The following TENM3 variants were observed in gnomAD, a reference collection of about 807,000 sequenced individuals.
TENM3 encodes the protein teneurin transmembrane protein 3, also known as teneurin-3.
A neutral mutation model predicts 255.1 loss-of-function variants in TENM3; 63 were observed. That is an observed-to-expected ratio of 0.25 (90% CI 0.20 to 0.30). The LOEUF (loss-of-function observed/expected upper bound fraction) is 0.30. TENM3 is among the 10% of genes least tolerant of loss of function. TENM3 has a pLI of 1.00. For synonymous variants in TENM3, 1,306 were observed against 1,322.3 expected (o/e 0.99, Z 0.27); for missense variants, 2,929 against 3,461.1 (o/e 0.85, Z 3.86).
chr4:182,117,443 A>G, the TENM3 span, among the ~76,000 whole-genome samples: 1 of 152,174 alleles, frequency 6.6e-6, no homozygotes, highest in Non-Finnish European at 1.5e-5. Flanking sequence ...CACTTTATAT[A>G]TGGGTCTCTG....
chr4:182,301,976 A>G (rs931023907), intron 1 of TENM3, among the ~76,000 whole-genome samples: 1 of 152,150 alleles, frequency 6.6e-6, no homozygotes. Context: ...ATATCATGGG[A>G]AAAATACTCT....
At chr4:181,754,284 T>TCTCACACA in the TENM3 span, among the ~76,000 whole-genome samples, 11 of 144,614 alleles carry the variant, frequency 7.6e-5, 1 homozygote, top group East Asian at 6.3e-4. Flanking sequence ...TATATCCCAG[T>TCTCACACA]CACACACACA....
At chr4:182,411,885 A>C (rs1367632369) in intron 3 of TENM3, among the ~76,000 whole-genome samples, 1 of 152,220 alleles carries the variant, frequency 6.6e-6, no homozygotes, top group African/African-American at 2.4e-5. Context: ...GACAAATTTT[A>C]AAACATTAAT....
chr4:182,546,289 T>C (rs568655166), intron 3 of TENM3, among the ~76,000 whole-genome samples: 47 of 152,318 alleles, frequency 3.1e-4, no homozygotes, highest in African/African-American at 9.9e-4. Flanking sequence ...CTTTGTTATT[T>C]GTTTCCTTTT....
intron 1 of TENM3, among the ~76,000 whole-genome samples, chr4:182,172,468 A>G (rs1752172416): frequency 6.6e-6 from 1 of 152,174 alleles, no homozygotes; most frequent in African/African-American, 2.4e-5. Flanking sequence ...TTAGTACTCA[A>G]CCTTAGAAAT....
the TENM3 span, among the ~76,000 whole-genome samples, chr4:182,092,624 G>A: frequency 6.6e-6 from 1 of 152,210 alleles, no homozygotes. Context: ...TCCAGCCTGG[G>A]CAATAGAGCA....
At chr4:182,588,448 A>T (rs1746263024) in intron 3 of TENM3, among the ~76,000 whole-genome samples, 1 of 152,188 alleles carries the variant, frequency 6.6e-6, no homozygotes, top group Admixed American at 6.5e-5. Context: ...TCTATATTAC[A>T]AATGTGTTTT....
At chr4:182,333,595 A>C (rs1329444996) in intron 2 of TENM3, among the ~76,000 whole-genome samples, 1 of 152,202 alleles carries the variant, frequency 6.6e-6, no homozygotes, top group Non-Finnish European at 1.5e-5. Context: ...AATATTTGAC[A>C]TGATCACTCT....
the TENM3 span, among the ~76,000 whole-genome samples, chr4:181,635,867 G>C: frequency 6.6e-6 from 1 of 152,206 alleles, no homozygotes; most frequent in Non-Finnish European, 1.5e-5. Context: ...AAGAGAGGAG[G>C]CCACAGTCAG....
rs1177641257 is a variant in TENM3, at chr4:182,775,011, A to G, written c.5162A>G (p.His1721Arg). Residue 1721 changes from histidine (H) to arginine (R), a missense_variant, in exon 24 of 28, where the codon CAC becomes CGC. This residue lies in a region of TENM3 where 303 missense variants were observed against 425.2 expected (regional missense o/e 0.71). Coordinates refer to ENST00000511685, the MANE Select transcript of TENM3 (RefSeq NM_001080477.4). ...GACTCACACTACCAAACAGAGCCGC[A>G]CGTTCTGGCTGGCACCGCTAATCCG... ...GLDSHYQTEP[H>R]VLAGTANPTV... 1 of 1,614,024 alleles carries G rather than the reference A, an allele frequency of 6.2e-7. No homozygotes were observed. Among genetic ancestry groups the G allele is most frequent in the African/African-American group, 1.3e-5 (1 of 75,048 alleles).
chr4:182,781,020 C>T (rs1221356596), intron 24 of TENM3, among the ~76,000 whole-genome samples: 2 of 151,038 alleles, frequency 1.3e-5, no homozygotes. Flanking sequence ...AATTTGACTT[C>T]CTCTTTTCCT....
the TENM3 span, among the ~76,000 whole-genome samples, chr4:181,763,421 C>A: frequency 6.6e-6 from 1 of 152,178 alleles, no homozygotes; most frequent in Middle Eastern, 3.4e-3. Context: ...AACAATAACC[C>A]CTGGACCAAA....
chr4:182,025,411 C>T, the TENM3 span, among the ~76,000 whole-genome samples: 8 of 152,130 alleles, frequency 5.3e-5, no homozygotes, highest in Non-Finnish European at 8.8e-5. Context: ...TGAGGATGGA[C>T]ACATCAACAG....
At position 182,690,057 on chromosome 4, in the gene TENM3, A is replaced by AG. The variant is rs200573370; in HGVS notation, c.2221+1708dup. 4.9e-4 allele frequency among the ~76,000 whole-genome samples: 74 copies of AG among 152,324 alleles called. 1 individual carries two copies. The East Asian group carries it at 0.013, about 27-fold the overall frequency. On this transcript the variant is annotated intron_variant, in intron 12 of 27. Coordinates refer to ENST00000511685, the MANE Select transcript of TENM3 (RefSeq NM_001080477.4). The stretch of plus-strand genomic sequence containing the variant: ...AAATTCCAACTCTCCTAAGAAGAGT[A>AG]GGTGTGGACAAAATAACCTTATCAG...
the TENM3 span, among the ~76,000 whole-genome samples, chr4:181,574,310 T>C: frequency 6.6e-6 from 1 of 151,962 alleles, no homozygotes; most frequent in African/African-American, 2.4e-5. Flanking sequence ...GGCGGGTGGA[T>C]CATGAGGTCA....
the TENM3 span, among the ~76,000 whole-genome samples, chr4:181,719,175 C>T: frequency 6.6e-6 from 1 of 151,300 alleles, no homozygotes; most frequent in Non-Finnish European, 1.5e-5. Context: ...CACTGCAGTC[C>T]GCAGTCCGGC....
chr4:182,782,269 G>A (rs1251622573), intron 24 of TENM3, among the ~76,000 whole-genome samples: 1 of 110,656 alleles, frequency 9.0e-6, no homozygotes, highest in East Asian at 2.6e-4. Context: ...TGTTCTCGTT[G>A]GTTTCAAAGA....
chr4:181,508,179 A>G, the TENM3 span, among the ~76,000 whole-genome samples: 1 of 152,320 alleles, frequency 6.6e-6, no homozygotes, highest in East Asian at 1.9e-4. Flanking sequence ...GGCAGAGTGG[A>G]GTTGCAGGCA....
Position 182,688,158 on chromosome 4 carries a change from C to T in TENM3, c.2036-8C>T. 1 of 1,581,152 alleles carries T rather than the reference C, an allele frequency of 6.3e-7. No homozygotes were observed. Among genetic ancestry groups the T allele is most frequent in the South Asian group, 1.1e-5 (1 of 87,582 alleles). On this transcript the variant is annotated splice_region_variant and splice_polypyrimidine_tract_variant and intron_variant, in intron 11 of 27. Transcript: ENST00000511685. ...TCTCCTGTTTTGTGTCCTCTTCCTC[C>T]CACATAGAAATATGTTCTGTGGACT...
Sources: gnomAD v4.1 joint callset for allele counts (sites outside exome capture counted in the v4.1 genomes callset) on GRCh38, gnomAD v4.1.1 for gene constraint, gnomAD v4.1.1 regional missense constraint, MANE v1.5 for transcripts, NCBI Gene and HGNC (gene_info 2026-07-23, HGNC 2026-07-21) for gene names.